KCNG3: variants seen among roughly 807,000 people sequenced by gnomAD.
The protein encoded by KCNG3 is potassium voltage-gated channel modifier subfamily G member 3, also known as voltage-gated potassium channel regulatory subunit KCNG3.
KCNG3 carries 15 observed loss-of-function variants against 29.0 expected under a neutral mutation model. The observed-to-expected ratio is 0.52, with a 90% CI of 0.35 to 0.80. The LOEUF (loss-of-function observed/expected upper bound fraction) is 0.80. Ranked by LOEUF, KCNG3 falls within the 30% of genes least tolerant of loss-of-function variation. KCNG3 has a pLI of 0.01. For missense variants in KCNG3, 512 were observed against 605.7 expected (o/e 0.85, Z 1.62); for synonymous variants, 322 against 248.9 (o/e 1.29, Z -2.76).
chr2:42,397,064 G>C, the KCNG3 span, among the ~76,000 whole-genome samples: 1 of 152,036 alleles, frequency 6.6e-6, no homozygotes, highest in African/African-American at 2.4e-5. Flanking sequence ...GGCCAACATG[G>C]CGAAAACCTG....
At chr2:42,408,527 C>T in the KCNG3 span, among the ~76,000 whole-genome samples, 2 of 152,028 alleles carry the variant, frequency 1.3e-5, no homozygotes, top group African/African-American at 4.8e-5. Context: ...GGACAACCTA[C>T]CTGCAAAGAG....
intron 1 of KCNG3, among the ~76,000 whole-genome samples, chr2:42,484,542 GTGTT>G (rs1317707201): frequency 1.3e-5 from 2 of 152,310 alleles, no homozygotes; most frequent in African/African-American, 2.4e-5. Flanking sequence ...TTGCATGTAT[GTGTT>G]TGTGTGTGTG....
At chr2:42,411,405 C>T in the KCNG3 span, among the ~76,000 whole-genome samples, 8 of 152,244 alleles carry the variant, frequency 5.3e-5, no homozygotes, top group Non-Finnish European at 8.8e-5. Flanking sequence ...TCCAAGCACA[C>T]GCAAAGTTTT....
intron 1 of KCNG3, among the ~76,000 whole-genome samples, chr2:42,468,919 A>C (rs1052420764): frequency 2.3e-5 from 3 of 131,980 alleles, no homozygotes; most frequent in Non-Finnish European, 4.6e-5. Flanking sequence ...ATGCCACTGC[A>C]CTACAGCCTG....
chr2:42,449,424 G>A (rs865860795), intron 1 of KCNG3, among the ~76,000 whole-genome samples: 21 of 147,934 alleles, frequency 1.4e-4, no homozygotes, highest in African/African-American at 5.2e-4. Context: ...GAGTGGTCAT[G>A]ACAGAAACCA....
the KCNG3 span, among the ~76,000 whole-genome samples, chr2:42,393,929 C>T: frequency 6.6e-6 from 1 of 151,940 alleles, no homozygotes; most frequent in Non-Finnish European, 1.5e-5. Context: ...TACAGGTGCC[C>T]GACACCATGC....
intron 1 of KCNG3, among the ~76,000 whole-genome samples, chr2:42,486,042 C>G (rs1317319997): frequency 6.6e-6 from 1 of 152,168 alleles, no homozygotes; most frequent in Non-Finnish European, 1.5e-5. Flanking sequence ...GGAAAGACAT[C>G]TATGATCCTT....
At chr2:42,455,582 A>G (rs1245483247) in intron 1 of KCNG3, among the ~76,000 whole-genome samples, 1 of 152,154 alleles carries the variant, frequency 6.6e-6, no homozygotes, top group Non-Finnish European at 1.5e-5. Context: ...AGATCTCACA[A>G]TATAGTCAGA....
At chr2:42,478,142 C>G (rs7594734) in intron 1 of KCNG3, among the ~76,000 whole-genome samples, 129,778 of 152,128 alleles carry the variant, frequency 0.85, 55,346 homozygotes, top group Middle Eastern at 0.95. Flanking sequence ...CAAACTTTTG[C>G]GGCTCAGGAC....
At chr2:42,410,151 T>G in the KCNG3 span, among the ~76,000 whole-genome samples, 1 of 152,220 alleles carries the variant, frequency 6.6e-6, no homozygotes, top group African/African-American at 2.4e-5. Context: ...ACTTCTTTAT[T>G]GTTGTTACCT....
At chr2:42,458,826 G>T (rs1672943765) in intron 1 of KCNG3, among the ~76,000 whole-genome samples, 1 of 149,888 alleles carries the variant, frequency 6.7e-6, no homozygotes, top group Admixed American at 6.6e-5. Context: ...ACCTCAGGAA[G>T]AAACAGTTTT....
chr2:42,482,024 A>G (rs1673597745), intron 1 of KCNG3, among the ~76,000 whole-genome samples: 1 of 152,098 alleles, frequency 6.6e-6, no homozygotes, highest in Non-Finnish European at 1.5e-5. Context: ...GGATCTCACT[A>G]TGTTGCCCAG....
chr2:42,483,421 G>A (rs1673640785), intron 1 of KCNG3, among the ~76,000 whole-genome samples: 1 of 152,150 alleles, frequency 6.6e-6, no homozygotes, highest in African/African-American at 2.4e-5. Flanking sequence ...GGAAATGATC[G>A]TGTTCTGTGC....
the KCNG3 span, among the ~76,000 whole-genome samples, chr2:42,396,474 AAC>A: frequency 6.6e-6 from 1 of 152,212 alleles, no homozygotes; most frequent in Non-Finnish European, 1.5e-5. Context: ...ACCAACCAAA[AAC>A]AGTCAGGGAA....
chr2:42,457,807 C>G (rs1672916839), intron 1 of KCNG3, among the ~76,000 whole-genome samples: 1 of 151,182 alleles, frequency 6.6e-6, no homozygotes, highest in Admixed American at 6.6e-5. Flanking sequence ...CAGAGTAAGA[C>G]CCTATCTCTA....
chr2:42,448,344 CTTATTTATTTATTTAT>C (rs5830729), intron 1 of KCNG3, among the ~76,000 whole-genome samples: 36 of 145,760 alleles, frequency 2.5e-4, no homozygotes, highest in African/African-American at 4.8e-4. Flanking sequence ...CCACTTCCCA[CTTATTTATTTATTTAT>C]TTATTTATTT....
the KCNG3 span, among the ~76,000 whole-genome samples, chr2:42,402,842 T>G: frequency 6.6e-6 from 1 of 152,204 alleles, no homozygotes; most frequent in Non-Finnish European, 1.5e-5. Context: ...TTCTTCCTTT[T>G]CAGAATTACG....
At chr2:42,401,369 A>G in the KCNG3 span, among the ~76,000 whole-genome samples, 3 of 150,580 alleles carry the variant, frequency 2.0e-5, no homozygotes, top group Non-Finnish European at 3.0e-5. Context: ...AAGACAATAG[A>G]CTAGGAGAAA....
At chr2:42,445,882 A>T (rs1245356960) in intron 1 of KCNG3, among the ~76,000 whole-genome samples, 2 of 151,906 alleles carry the variant, frequency 1.3e-5, no homozygotes, top group African/African-American at 4.8e-5. Context: ...GTCTGCCACC[A>T]TGCGTGACTA....
Sources: gnomAD v4.1 joint callset for allele counts (sites outside exome capture counted in the v4.1 genomes callset) on GRCh38, gnomAD v4.1.1 for gene constraint, MANE v1.5 for transcripts, NCBI Gene and HGNC (gene_info 2026-07-23, HGNC 2026-07-21) for gene names.